The following AKAP8 variants were observed in gnomAD, a reference collection of about 807,000 sequenced individuals.
AKAP8 encodes A-kinase anchor protein 8.
AKAP8 carries 24 observed loss-of-function variants against 67.5 expected under a neutral mutation model. The observed-to-expected ratio is 0.36, with a 90% confidence interval of 0.26 to 0.50. AKAP8 has a LOEUF of 0.50. Ranked by LOEUF, AKAP8 falls within the 20% of genes least tolerant of loss-of-function variation. The pLI, the probability that AKAP8 is intolerant of heterozygous loss-of-function variation, is 0.97. For missense variants in AKAP8, 971 were observed against 955.9 expected (o/e 1.02, Z -0.21); for synonymous variants, 400 against 371.1 (o/e 1.08, Z -0.90).
chr19:15,360,764 G>A, intron 12 of AKAP8, 84 bp downstream of exon 12: 1 of 1,487,386 alleles, frequency 6.7e-7, no homozygotes. Flanking sequence ...CCCTAAAGAT[G>A]TTGTTATTCC....
intron 9 of AKAP8, among the ~76,000 whole-genome samples, chr19:15,363,726 G>A (rs1364018107): frequency 6.6e-6 from 1 of 152,226 alleles, no homozygotes. Flanking sequence ...GGCGGGAAAG[G>A]TGGGGAAAAG....
rs1003792126 is a variant in AKAP8, at chr19:15,368,896, G to A, written c.1073-574C>T. The A allele has an allele frequency of 1.2e-5, 12 of 985,288 alleles. No individual in the cohort carries two copies. In the South Asian group the frequency reaches 1.4e-4, roughly 12 times the overall value. The allele number at this position is 985,288 out of a possible 1,614,324, so 61.0% of individuals were successfully genotyped here. On this transcript the variant is annotated intron_variant, in intron 8 of 13. Coordinates refer to ENST00000269701, the MANE Select transcript of AKAP8 (RefSeq NM_005858.4). ...CAATCTAGGGCTTTCCCAGGGCTGC[G>A]TGGGAAGCAATCCTAGAAAAAAATT...
chr19:15,377,327 AT>A (rs1289960977), intron 1 of AKAP8, among the ~76,000 whole-genome samples: 7 of 152,158 alleles, frequency 4.6e-5, no homozygotes, highest in Admixed American at 3.3e-4. Flanking sequence ...ACACAAGACA[AT>A]CCACTCAGCA....
Position 15,373,024 on chromosome 19 carries a change from C to A in AKAP8, c.688G>T (p.Val230Leu). The change falls in exon 5 of 14, where the codon GTG becomes TTG. Residue 230 changes from valine (V) to leucine (L), a missense_variant. Val to Leu is a conservative substitution (Grantham distance 32). Coordinates refer to ENST00000269701, the MANE Select transcript of AKAP8 (RefSeq NM_005858.4). ...GGCCCTCCCAGGCCCCGTCCACCCA[C>A]GTAGTTCAGCTCGTTCCAGGGCGTG... ...LSTPWNELNY[V>L]GGRGLGGPSP... is the part of the protein sequence containing the mutation. 6.3e-7 allele frequency: 1 copy of A among 1,589,246 alleles called. No individual in the cohort carries two copies. The highest frequency in any genetic ancestry group is 8.6e-7 in the Non-Finnish European group (1 of 1,165,556).
chr19:15,362,771 G>A (rs1380709526), intron 9 of AKAP8, among the ~76,000 whole-genome samples: 105 of 151,744 alleles, frequency 6.9e-4, no homozygotes, highest in African/African-American at 2.4e-3. Flanking sequence ...GCCTCTGCCC[G>A]GCCGCCACCC....
At position 15,355,374 on chromosome 19, in the gene AKAP8, G is replaced by A; in HGVS notation, c.1624-4C>T. The A allele has an allele frequency of 1.2e-6, 2 of 1,608,944 alleles. No homozygotes were observed. Among genetic ancestry groups the A allele is most frequent in the Non-Finnish European group, 8.5e-7 (1 of 1,177,518 alleles). On this transcript the variant is annotated splice_region_variant and splice_polypyrimidine_tract_variant and intron_variant, in intron 13 of 13. Coordinates refer to ENST00000269701, the MANE Select transcript of AKAP8 (RefSeq NM_005858.4). ...CACTGGTGAAAGGGTCCTCACCCTG[G>A]CCAAAGAGGAAACACCGGTCAGCGT...
At position 15,355,380 on chromosome 19, in the gene AKAP8, G is replaced by A. The variant is rs1330696619; in HGVS notation, c.1624-10C>T. On this transcript the variant is annotated splice_polypyrimidine_tract_variant and intron_variant, in intron 13 of 13. Coordinates refer to ENST00000269701, the MANE Select transcript of AKAP8 (RefSeq NM_005858.4). ...TGAAAGGGTCCTCACCCTGGCCAAAGAGGAAACACCGGTCAGCGTGGTGTA... is the reference window on the plus strand; with the variant it reads ...TGAAAGGGTCCTCACCCTGGCCAAAAAGGAAACACCGGTCAGCGTGGTGTA... The A allele has an allele frequency of 1.9e-6, 3 of 1,607,498 alleles. No individual in the cohort carries two copies. The highest frequency in any genetic ancestry group is 2.2e-5 in the East Asian group (1 of 44,810).
intron 2 of AKAP8, 97 bp downstream of exon 2, chr19:15,376,879 G>T: frequency 7.0e-7 from 1 of 1,427,062 alleles, no homozygotes. Context: ...CTGACCCCTG[G>T]GCTACTACTC....
chr19:15,371,704 G>A (rs1031041237), intron 7 of AKAP8, among the ~76,000 whole-genome samples: 5 of 151,952 alleles, frequency 3.3e-5, no homozygotes, highest in Non-Finnish European at 5.9e-5. Flanking sequence ...GGCCAGGCTG[G>A]TCTCCAACTC....
intron 7 of AKAP8, 59 bp downstream of exon 7, chr19:15,371,893 G>C (rs1343874067): frequency 6.4e-7 from 1 of 1,574,114 alleles, no homozygotes; most frequent in Non-Finnish European, 8.7e-7. Flanking sequence ...GTGAGGAAGG[G>C]TGATTAAAGA....
At position 15,353,394 on chromosome 19, in the gene AKAP8, A is replaced by G. The variant is rs1241550128; in HGVS notation, c.*1521T>C. The G allele has an allele frequency of 8.5e-6, 1 of 118,118 alleles. No homozygotes were observed. Among genetic ancestry groups the G allele is most frequent in the Non-Finnish European group, 1.8e-5 (1 of 56,220 alleles). 7.3% of individuals were successfully genotyped at this position (118,118 alleles called of 1,614,324 possible). The stretch of plus-strand genomic sequence containing the variant: ...AGTTCCACTAGTGATGTTTTTCTGC[A>G]CTACTGTTTAATGCTACCGACATTT... On this transcript the variant is annotated 3_prime_UTR_variant, in exon 14 of 14. Transcript: ENST00000269701.
intron 2 of AKAP8, 97 bp from the exon 3 acceptor site, chr19:15,374,732 C>CAGGGCT: frequency 7.0e-7 from 1 of 1,436,550 alleles, no homozygotes; most frequent in African/African-American, 1.4e-5. Context: ...GCCCCAGGGC[C>CAGGGCT]AGGGCTTCCC....
chr19:15,374,492 G>A, intron 3 of AKAP8, 111 bp downstream of exon 3: 2 of 1,329,902 alleles, frequency 1.5e-6, no homozygotes, highest in Non-Finnish European at 2.1e-6. Context: ...TGCGTCCTCA[G>A]GAACAGAGCC....
At chr19:15,372,742 T>C (rs1478048661) in intron 5 of AKAP8, 109 bp downstream of exon 5, 3 of 1,355,280 alleles carry the variant, frequency 2.2e-6, no homozygotes, top group Non-Finnish European at 2.9e-6. Context: ...AAAGTCGAAC[T>C]GCGCACTTAA....
chr19:15,362,782 C>G (rs1221006598), intron 9 of AKAP8, among the ~76,000 whole-genome samples: 1 of 151,828 alleles, frequency 6.6e-6, no homozygotes, highest in Admixed American at 6.6e-5. Context: ...GCCGCCACCC[C>G]GTCTGGGAAG....
chr19:15,363,103 G>A (rs1163372482), intron 9 of AKAP8, among the ~76,000 whole-genome samples: 1 of 150,800 alleles, frequency 6.6e-6, no homozygotes, highest in Non-Finnish European at 1.5e-5. Context: ...TCTGAGAAGT[G>A]AGGAGCCCCT....
chr19:15,360,839 A>G lies in AKAP8; in HGVS notation c.1527+9T>C, dbSNP rs1599557717. ...GAGCACCCCAGGCAGTGTGGGGAGGAAGACTCACCCTGCGGTTGTGATTGT... is the reference window on the plus strand; with the variant it reads ...GAGCACCCCAGGCAGTGTGGGGAGGGAGACTCACCCTGCGGTTGTGATTGT... On this transcript the variant is annotated intron_variant, in intron 12 of 13. Transcript: ENST00000269701. 6.2e-7 allele frequency: 1 copy of G among 1,611,242 alleles called. No individual in the cohort carries two copies. The highest frequency in any genetic ancestry group is 8.5e-7 in the Non-Finnish European group (1 of 1,178,640).
rs760473339 is a variant in AKAP8 at position 15,354,898 on chromosome 19, G to C, written c.*17C>G. 2.6e-5 allele frequency: 42 copies of C among 1,610,158 alleles called. No individual in the cohort carries two copies. Among genetic ancestry groups the C allele is most frequent in the East Asian group, 4.5e-5 (2 of 44,842 alleles). ...ATCCATCATCCCAACGCCTTCCCTG[G>C]AACAGGGAAATGAGCATCATTCTGT... On this transcript the variant is annotated 3_prime_UTR_variant, in exon 14 of 14. Transcript: ENST00000269701.
chr19:15,374,225 G>A (rs922055378), intron 3 of AKAP8, among the ~76,000 whole-genome samples, 160 bp from the exon 4 acceptor site: 9 of 152,248 alleles, frequency 5.9e-5, no homozygotes, highest in Non-Finnish European at 1.3e-4. Context: ...CCTGCCAAGA[G>A]GCAGCAGGAG....
Sources: gnomAD v4.1 joint callset for allele counts (sites outside exome capture counted in the v4.1 genomes callset) on GRCh38, gnomAD v4.1.1 for gene constraint, MANE v1.5 for transcripts, NCBI Gene and HGNC (gene_info 2026-07-23, HGNC 2026-07-21) for gene names.